The following PARD3 variants were observed in gnomAD, a reference collection of about 807,000 sequenced individuals.
PARD3 encodes par-3 family cell polarity regulator, also known as partitioning defective 3 homolog.
PARD3 carries 75 observed loss-of-function variants against 155.4 expected under a neutral mutation model. The ratio of observed to expected loss-of-function variants is 0.48; its 90% CI spans 0.40 to 0.58. The LOEUF (loss-of-function observed/expected upper bound fraction) is 0.58. PARD3 is among the 20% of genes least tolerant of loss of function. The probability of loss-of-function intolerance (pLI) is 0.00; values close to 1 mark genes in which losing one functional copy is unlikely to be tolerated. For missense variants in PARD3, 1,642 were observed against 1,721.7 expected (o/e 0.95, Z 0.82); for synonymous variants, 576 against 610.5 (o/e 0.94, Z 0.83).
Position 34,815,063 on chromosome 10 carries a change from G to C in PARD3, c.-68C>G. 2 of 1,130,970 alleles carry C rather than the reference G, an allele frequency of 1.8e-6. No individual in the cohort carries two copies. The highest frequency in any genetic ancestry group is 2.2e-6 in the Non-Finnish European group (2 of 907,968). 70.1% of individuals were successfully genotyped at this position (1,130,970 alleles called of 1,614,324 possible). A position where few individuals can be genotyped will look rare whatever the true frequency, so the allele number is the denominator to read the frequency against. On this transcript the variant is annotated 5_prime_UTR_variant, in exon 1 of 25. Transcript: ENST00000374788. ...AGCCGGAGCAGCCGAGGCCGGGACC[G>C]AGGACGCTGGGCGCGGAGGAGCCGC...
At chr10:34,692,690 C>T (rs912176596) in intron 2 of PARD3, among the ~76,000 whole-genome samples, 2 of 152,086 alleles carry the variant, frequency 1.3e-5, no homozygotes, top group African/African-American at 4.8e-5. Flanking sequence ...GTCTGGCCAA[C>T]GTGACAAAAC....
At chr10:34,208,560 T>C (rs1951587825) in intron 22 of PARD3, among the ~76,000 whole-genome samples, 1 of 152,224 alleles carries the variant, frequency 6.6e-6, no homozygotes, top group Non-Finnish European at 1.5e-5. Flanking sequence ...CATCTATAGT[T>C]GATTTCTTGT....
intron 2 of PARD3, among the ~76,000 whole-genome samples, chr10:34,594,210 T>C (rs1487626714): frequency 6.6e-6 from 1 of 152,186 alleles, no homozygotes; most frequent in Non-Finnish European, 1.5e-5. Flanking sequence ...AGACTTTCTG[T>C]TCAACCTAAG....
chr10:34,249,723 G>A (rs930942691), intron 22 of PARD3, among the ~76,000 whole-genome samples: 5 of 152,020 alleles, frequency 3.3e-5, no homozygotes, highest in Non-Finnish European at 7.4e-5. Context: ...TCATATAAAG[G>A]CACAGTTTAA....
intron 2 of PARD3, among the ~76,000 whole-genome samples, chr10:34,688,782 T>C (rs2093996319): frequency 1.3e-5 from 2 of 152,064 alleles, no homozygotes; most frequent in Admixed American, 6.6e-5. Context: ...ATGAGGAAAA[T>C]TAGGGGTAAT....
chr10:34,748,287 C>T (rs989996271), intron 1 of PARD3, among the ~76,000 whole-genome samples: 1 of 151,992 alleles, frequency 6.6e-6, no homozygotes, highest in Non-Finnish European at 1.5e-5. Flanking sequence ...CTGTCCAACA[C>T]GGCAAAACCC....
At position 34,322,015 on chromosome 10, in the gene PARD3, G is replaced by A. The variant is rs538749675; in HGVS notation, c.2834-4677C>T. The stretch of plus-strand genomic sequence containing the variant: ...GTTGATACTATAATTTCTGTTGGCC[G>A]CTTATCCAAAATCCATTTCTCCCTT... On this transcript the variant is annotated intron_variant, in intron 19 of 24. Transcript: ENST00000374788. Among the ~76,000 whole-genome samples, 16 of 151,988 alleles carry A rather than the reference G, an allele frequency of 1.1e-4. No individual in the cohort carries two copies. The East Asian group carries it at 1.4e-3, about 13-fold the overall frequency.
chr10:34,292,341 T>A (rs1339581685), intron 20 of PARD3, among the ~76,000 whole-genome samples: 2 of 152,194 alleles, frequency 1.3e-5, no homozygotes, highest in Non-Finnish European at 2.9e-5. Flanking sequence ...TATTTTAGTG[T>A]CATTTTAAGA....
chr10:34,641,609 T>G (rs2092680857), intron 2 of PARD3, among the ~76,000 whole-genome samples: 1 of 151,682 alleles, frequency 6.6e-6, no homozygotes, highest in Admixed American at 6.6e-5. Context: ...CCCACCCAAG[T>G]CCTCATGGCC....
Position 34,525,438 on chromosome 10 carries a change from G to A in PARD3, c.223-8279C>T, listed in dbSNP as rs779028905. 2.1e-4 allele frequency among the ~76,000 whole-genome samples: 32 copies of A among 152,156 alleles called. 1 individual carries two copies. Among genetic ancestry groups the A allele is most frequent in the Non-Finnish European group, 1.6e-4 (11 of 68,022 alleles). ...TACCAGGAAACTTGACCTCAAACCCGTCTCAGGCTCTAGCCCCATGGTTTG... is the reference window on the plus strand; with the variant it reads ...TACCAGGAAACTTGACCTCAAACCCATCTCAGGCTCTAGCCCCATGGTTTG... On this transcript the variant is annotated intron_variant, in intron 2 of 24. Coordinates refer to ENST00000374788, the MANE Select transcript of PARD3 (RefSeq NM_001184785.2).
chr10:34,343,919 T>C, intron 15 of PARD3: 1 of 981,398 alleles, frequency 1.0e-6, no homozygotes, highest in Non-Finnish European at 1.2e-6. Context: ...ACATAGAAGG[T>C]AACACCACAC....
At chr10:34,613,560 A>G (rs1400616031) in intron 2 of PARD3, among the ~76,000 whole-genome samples, 5 of 152,212 alleles carry the variant, frequency 3.3e-5, no homozygotes, top group African/African-American at 7.2e-5. Flanking sequence ...ACAATTAATC[A>G]TAATTATTCA....
chr10:34,525,591 C>G (rs997844982), intron 2 of PARD3, among the ~76,000 whole-genome samples: 1 of 152,122 alleles, frequency 6.6e-6, no homozygotes, highest in African/African-American at 2.4e-5. Context: ...AATCTGTGAA[C>G]AATTTAGCTT....
At chr10:34,681,152 A>C (rs2133334201) in intron 2 of PARD3, among the ~76,000 whole-genome samples, 1 of 152,294 alleles carries the variant, frequency 6.6e-6, no homozygotes, top group African/African-American at 2.4e-5. Context: ...AAATAGAGTA[A>C]GCTTTTGAGA....
At chr10:34,142,034 G>A (rs1215473396) in intron 22 of PARD3, among the ~76,000 whole-genome samples, 2 of 152,148 alleles carry the variant, frequency 1.3e-5, no homozygotes, top group Non-Finnish European at 2.9e-5. Context: ...GAATAAGAGT[G>A]ACTATTGTGA....
intron 3 of PARD3, among the ~76,000 whole-genome samples, chr10:34,506,434 CTTT>C (rs1564789814): frequency 1.3e-5 from 2 of 152,108 alleles, no homozygotes; most frequent in African/African-American, 4.8e-5. Context: ...TTATGAAAAT[CTTT>C]TCTAAGTCTC....
chr10:34,513,292 T>C lies in PARD3; in HGVS notation c.403+3687A>G, dbSNP rs552988171. The stretch of plus-strand genomic sequence containing the variant: ...TTCTCCATAGGTTGGTTAGTTGGTT[T>C]GTTTGGAGCCAGAGTCTCATTCTGC... On this transcript the variant is annotated intron_variant, in intron 3 of 24. Transcript: ENST00000374788. Among the ~76,000 whole-genome samples, 5 of 152,280 alleles carry C rather than the reference T, an allele frequency of 3.3e-5. No homozygotes were observed. In the East Asian group the frequency reaches 9.7e-4, roughly 30 times the overall value.
chr10:34,120,736 A>C (rs1383125556), intron 23 of PARD3, among the ~76,000 whole-genome samples: 1 of 152,206 alleles, frequency 6.6e-6, no homozygotes, highest in South Asian at 2.1e-4. Context: ...GTTATTAGGT[A>C]ATGCATTTTA....
At chr10:34,377,893 TG>T (rs1841417045) in intron 10 of PARD3, 73 bp downstream of exon 10, 1 of 1,189,938 alleles carries the variant, frequency 8.4e-7, no homozygotes, top group Non-Finnish European at 1.1e-6. Flanking sequence ...TTTATGAAAA[TG>T]TTTTTAAAAG....
Sources: gnomAD v4.1 joint callset for allele counts (sites outside exome capture counted in the v4.1 genomes callset) on GRCh38, gnomAD v4.1.1 for gene constraint, MANE v1.5 for transcripts, NCBI Gene and HGNC (gene_info 2026-07-23, HGNC 2026-07-21) for gene names.